Variants in NPIPB2 observed in about 807,000 individuals in gnomAD.
NPIPB2 encodes nuclear pore complex interacting protein family member B2.
Under a neutral mutation model 30.8 loss-of-function variants are expected in NPIPB2, and 27 were observed. That is an observed-to-expected ratio of 0.88 (90% CI 0.65 to 1.21). NPIPB2 has a LOEUF of 1.21. Among genes scored for constraint, NPIPB2 ranks in the 50% most tolerant of loss-of-function variants. The pLI is 0.00. For missense variants in NPIPB2, 440 were observed against 446.2 expected, an observed-to-expected ratio of 0.99 and a Z score of 0.13; for synonymous variants, 147 against 162.0, an observed-to-expected ratio of 0.91 and a Z score of 0.70.
At chr16:11,933,125 G>C (rs1056890052) in intron 4 of NPIPB2, among the ~76,000 whole-genome samples, 2 of 151,918 alleles carry the variant, frequency 1.3e-5, no homozygotes, top group African/African-American at 4.8e-5. Flanking sequence ...GCTGGGCGTG[G>C]TGGTGGGCAC....
chr16:11,970,789 C>T (rs936163802), intron 1 of NPIPB2, among the ~76,000 whole-genome samples: 1 of 152,094 alleles, frequency 6.6e-6, no homozygotes, highest in Non-Finnish European at 1.5e-5. Flanking sequence ...CTGCCTTGGC[C>T]TCCCAAAGTG....
chr16:11,951,449 C>T (rs1319446906), intron 1 of NPIPB2, among the ~76,000 whole-genome samples: 5 of 71,974 alleles, frequency 6.9e-5, no homozygotes, highest in Non-Finnish European at 1.2e-4. Context: ...GGGCGACAGA[C>T]AAGACTGTCT....
At chr16:11,946,995 T>C (rs923412546), upstream of NPIPB2, among the ~76,000 whole-genome samples, 5 of 150,120 alleles carry the variant, frequency 3.3e-5, no homozygotes, top group Admixed American at 3.3e-4. Context: ...GTGCTGGGAT[T>C]ACAGGTGTGA....
At chr16:11,961,859 G>A (rs892501766) in intron 1 of NPIPB2, among the ~76,000 whole-genome samples, 14 of 151,522 alleles carry the variant, frequency 9.2e-5, no homozygotes, top group African/African-American at 3.2e-4. Context: ...AAAATAGGTA[G>A]GGTCTGAATA....
At chr16:11,972,079 G>A (rs1567481467) in intron 1 of NPIPB2, among the ~76,000 whole-genome samples, 1 of 152,066 alleles carries the variant, frequency 6.6e-6, no homozygotes, top group South Asian at 2.1e-4. Flanking sequence ...CTGGGAGACA[G>A]AGGTTGCAGT....
intron 2 of NPIPB2, among the ~76,000 whole-genome samples, chr16:11,935,515 T>G (rs2054853640): frequency 6.6e-6 from 1 of 152,174 alleles, no homozygotes; most frequent in Non-Finnish European, 1.5e-5. Context: ...GGTTTTACCA[T>G]GTTGGCCCAT....
In NPIPB2 at chr16:11,966,044, G is replaced by A. The variant is rs2055190666; in HGVS notation, c.-584+10524C>T. On this transcript the variant is annotated intron_variant, in intron 1 of 5. Coordinates refer to the NPIPB2 transcript ENST00000538896. ...GAGAATTGTTTGAACTTGGGAGGTGGAGGTTGCAGTGAGCCGAGATCGCGC... is the reference window on the plus strand; with the variant it reads ...GAGAATTGTTTGAACTTGGGAGGTGAAGGTTGCAGTGAGCCGAGATCGCGC... 8.7e-6 allele frequency: 5 copies of A among 577,868 alleles called. No homozygotes were observed. The South Asian group carries it at 1.5e-4, about 17-fold the overall frequency. 35.8% of individuals were successfully genotyped at this position (577,868 alleles called of 1,614,324 possible).
At chr16:11,976,631 T>A in exon 1 of NPIPB2, 2 of 389,714 alleles carry the variant, frequency 5.1e-6, no homozygotes, top group East Asian at 4.1e-5. Flanking sequence ...GACTTGGATC[T>A]GCGCCGCGGT....
At chr16:11,948,199 A>C (rs893113934) in intron 1 of NPIPB2, among the ~76,000 whole-genome samples, 1 of 151,790 alleles carries the variant, frequency 6.6e-6, no homozygotes, top group Admixed American at 6.6e-5. Context: ...AGGTGCCAAA[A>C]CGGGGGAAGT....
At chr16:11,962,677 G>A (rs547841019) in intron 1 of NPIPB2, among the ~76,000 whole-genome samples, 67 of 151,196 alleles carry the variant, frequency 4.4e-4, no homozygotes, top group African/African-American at 1.6e-3. Flanking sequence ...TCTGGCAAGA[G>A]AGAGGAAATC....
chr16:11,952,825 C>A (rs986975352), intron 1 of NPIPB2, among the ~76,000 whole-genome samples: 3 of 152,118 alleles, frequency 2.0e-5, no homozygotes, highest in Admixed American at 1.3e-4. Flanking sequence ...CTCGGCCTCC[C>A]AAAGTGCTGG....
rs528891143 is a variant in NPIPB2, at chr16:11,958,971, A to G, written c.-583-16857T>C. On this transcript the variant is annotated intron_variant, in intron 1 of 5. Transcript: ENST00000538896. ...TAGAAGTCAGGAATGTCTGTTTGCC[A>G]AAGTGGGGCTCTGCAGGGGGAGCTC... is the stretch of plus-strand genomic sequence containing the variant. Among the ~76,000 whole-genome samples, 4 of 152,310 alleles carry G rather than the reference A, an allele frequency of 2.6e-5. No homozygotes were observed. The South Asian group carries it at 8.3e-4, about 32-fold the overall frequency.
chr16:11,937,279 G>A (rs1262335782), intron 2 of NPIPB2, among the ~76,000 whole-genome samples: 1 of 152,118 alleles, frequency 6.6e-6, no homozygotes, highest in Non-Finnish European at 1.5e-5. Flanking sequence ...TACTCCATTT[G>A]TGACAAATAG....
intron 1 of NPIPB2, 57 bp downstream of exon 1, chr16:11,941,926 T>A: frequency 9.8e-7 from 1 of 1,021,414 alleles, no homozygotes; most frequent in Non-Finnish European, 1.5e-6. Context: ...CAAGGTCACT[T>A]TTGGCGACAA....
At chr16:11,932,963 TAAAAA>T (rs770388601) in intron 4 of NPIPB2, among the ~76,000 whole-genome samples, 62 of 121,576 alleles carry the variant, frequency 5.1e-4, no homozygotes, top group Non-Finnish European at 8.4e-4. Context: ...ATCTCAAAAT[TAAAAA>T]AAAAAAAAAA....
chr16:11,965,529 C>G lies in NPIPB2; in HGVS notation c.-584+11039G>C, dbSNP rs371297327. On this transcript the variant is annotated intron_variant, in intron 1 of 5. Coordinates refer to the NPIPB2 transcript ENST00000538896. ...TATATGGACTGCTTATTCAGAGAAT[C>G]AACATAATGGGCATGATGGTGAGTT... The G allele has an allele frequency of 6.2e-6, 9 of 1,449,670 alleles. No individual in the cohort carries two copies. The South Asian group carries it at 1.2e-4, about 19-fold the overall frequency. 89.8% of individuals were successfully genotyped at this position (1,449,670 alleles called of 1,614,324 possible). A position where few individuals can be genotyped will look rare whatever the true frequency, so the allele number is the denominator to read the frequency against.
chr16:11,962,393 G>A (rs2055159629), intron 1 of NPIPB2, among the ~76,000 whole-genome samples: 1 of 151,778 alleles, frequency 6.6e-6, no homozygotes, highest in Admixed American at 6.6e-5. Context: ...CGGATCATGA[G>A]GTCAGGAGAT....
intron 1 of NPIPB2, chr16:11,966,878 G>A (rs1425280606): frequency 6.6e-6 from 1 of 152,652 alleles, no homozygotes; most frequent in Admixed American, 6.5e-5. Flanking sequence ...AAAAATGAAT[G>A]TTCTACTTAA....
intron 1 of NPIPB2, among the ~76,000 whole-genome samples, chr16:11,963,709 G>A (rs186522598): frequency 2.6e-5 from 4 of 152,164 alleles, no homozygotes; most frequent in African/African-American, 7.2e-5. Flanking sequence ...ACATCTGGAC[G>A]TCTCTATATG....
Sources: allele counts gnomAD v4.1 joint callset (sites outside exome capture counted in the v4.1 genomes callset), GRCh38; gene constraint gnomAD v4.1.1; transcripts MANE v1.5; gene names NCBI Gene and HGNC (gene_info 2026-07-23, HGNC 2026-07-21).